RAB3C: variants seen among roughly 807,000 people sequenced by gnomAD.
RAB3C encodes RAB3C, member RAS oncogene family, also known as ras-related protein Rab-3C.
In RAB3C, 17 loss-of-function variants were observed where a neutral mutation model predicts 26.4. That is an observed-to-expected ratio of 0.64 (90% CI 0.44 to 0.97). The LOEUF is 0.97. RAB3C is among the 50% of genes least tolerant of loss of function. RAB3C has a pLI of 0.00. For synonymous variants in RAB3C, 91 were observed against 95.9 expected (o/e 0.95, Z 0.30); for missense variants, 242 against 281.9 (o/e 0.86, Z 1.01).
chr5:58,670,623 T>G (rs985031554), intron 2 of RAB3C, among the ~76,000 whole-genome samples: 6 of 152,166 alleles, frequency 3.9e-5, no homozygotes, highest in Admixed American at 1.3e-4. Flanking sequence ...CAAAGACAAA[T>G]TATACATTTA....
chr5:58,702,544 T>C (rs1748867253), intron 2 of RAB3C, among the ~76,000 whole-genome samples: 1 of 151,868 alleles, frequency 6.6e-6, no homozygotes, highest in South Asian at 2.1e-4. Flanking sequence ...TTATAGCACT[T>C]GCCAGGTAGT....
chr5:58,713,107 G>C (rs1289644323), intron 2 of RAB3C, among the ~76,000 whole-genome samples: 1 of 152,154 alleles, frequency 6.6e-6, no homozygotes, highest in Non-Finnish European at 1.5e-5. Flanking sequence ...TCTATGGCCA[G>C]TAGGAAGACA....
intron 2 of RAB3C, among the ~76,000 whole-genome samples, chr5:58,668,097 A>T (rs1748037825): frequency 6.6e-6 from 1 of 152,186 alleles, no homozygotes; most frequent in Non-Finnish European, 1.5e-5. Context: ...GATATATAAC[A>T]TAGCTTACCC....
intron 3 of RAB3C, among the ~76,000 whole-genome samples, chr5:58,765,841 G>C (rs1290304429): frequency 1.3e-5 from 2 of 152,142 alleles, no homozygotes; most frequent in African/African-American, 2.4e-5. Context: ...GGGGCCTGGT[G>C]GGAGGTGATT....
Position 58,656,312 on chromosome 5 carries a change from T to C in RAB3C, c.252+38442T>C, listed in dbSNP as rs1747771436. Among the ~76,000 whole-genome samples, 3 of 152,192 alleles carry C rather than the reference T, an allele frequency of 2.0e-5. No homozygotes were observed. In the South Asian group the frequency reaches 6.2e-4, roughly 31 times the overall value. On this transcript the variant is annotated intron_variant, in intron 2 of 4. Transcript: ENST00000282878. The stretch of plus-strand genomic sequence containing the variant: ...CCTCTATTTTTCAGCATGGTGACTA[T>C]AACTAATCATAATGTACTTTGTATT...
At position 58,617,435 on chromosome 5, in the gene RAB3C, G is replaced by T; in HGVS notation, c.25-208G>T. 3 of 752,354 alleles carry T rather than the reference G, an allele frequency of 4.0e-6. No individual in the cohort carries two copies. The South Asian group carries it at 4.2e-5, about 10-fold the overall frequency. 46.6% of individuals were successfully genotyped at this position (752,354 alleles called of 1,614,324 possible). A position where few individuals can be genotyped will look rare whatever the true frequency, so the allele number is the denominator to read the frequency against. ...TGCACCAACACAGCTGGAAAGGCCT[G>T]TAAGATTTGCTATTCTGTCTTCCAG... On this transcript the variant is annotated intron_variant, in intron 1 of 4. Transcript: ENST00000282878.
intron 1 of RAB3C, among the ~76,000 whole-genome samples, chr5:58,596,503 A>T (rs1217130328): frequency 1.5e-5 from 2 of 137,032 alleles, no homozygotes; most frequent in East Asian, 4.0e-4. Context: ...ATATATAAAT[A>T]TATAATACTA....
intron 3 of RAB3C, among the ~76,000 whole-genome samples, chr5:58,727,391 A>G (rs768829353): frequency 2.6e-5 from 4 of 152,050 alleles, no homozygotes; most frequent in Non-Finnish European, 4.4e-5. Flanking sequence ...ATATGAAAAC[A>G]TAAGTATCTT....
intron 2 of RAB3C, among the ~76,000 whole-genome samples, chr5:58,689,555 G>A (rs1379853331): frequency 6.6e-6 from 1 of 152,112 alleles, no homozygotes; most frequent in Non-Finnish European, 1.5e-5. Context: ...ATTTCTGGTT[G>A]TGACCGTTCC....
intron 4 of RAB3C, among the ~76,000 whole-genome samples, chr5:58,837,555 C>CTT (rs1244170261): frequency 1.3e-3 from 143 of 113,494 alleles, no homozygotes; most frequent in Non-Finnish European, 2.2e-3. Context: ...GTTTCAGTCT[C>CTT]TCTTTTTTTT....
intron 3 of RAB3C, among the ~76,000 whole-genome samples, chr5:58,778,269 C>A (rs907612043): frequency 6.6e-6 from 1 of 152,094 alleles, no homozygotes; most frequent in Non-Finnish European, 1.5e-5. Flanking sequence ...TAGAATCTTA[C>A]AATAAATCCT....
intron 1 of RAB3C, among the ~76,000 whole-genome samples, chr5:58,612,542 A>G (rs1235279905): frequency 0.019 from 1,051 of 56,202 alleles, 8 homozygotes; most frequent in Non-Finnish European, 0.029. Flanking sequence ...ATATATATAT[A>G]TATATGTATA....
intron 2 of RAB3C, among the ~76,000 whole-genome samples, chr5:58,669,427 A>T (rs1748068294): frequency 6.6e-6 from 1 of 152,142 alleles, no homozygotes; most frequent in Non-Finnish European, 1.5e-5. Context: ...GAAAAGAGTG[A>T]GCCCAGAGGG....
intron 2 of RAB3C, among the ~76,000 whole-genome samples, chr5:58,690,058 C>T (rs1012050978): frequency 6.6e-6 from 1 of 152,018 alleles, no homozygotes; most frequent in Admixed American, 6.6e-5. Flanking sequence ...ACTGCCTCCT[C>T]CTATAAGAAT....
intron 1 of RAB3C, among the ~76,000 whole-genome samples, chr5:58,584,990 G>A (rs1745981345): frequency 6.6e-6 from 1 of 151,990 alleles, no homozygotes; most frequent in Admixed American, 6.6e-5. Flanking sequence ...AAACTTTAAT[G>A]AAGAACTAAA....
At chr5:58,609,158 G>A (rs1291613706) in intron 1 of RAB3C, among the ~76,000 whole-genome samples, 1 of 152,090 alleles carries the variant, frequency 6.6e-6, no homozygotes, top group Non-Finnish European at 1.5e-5. Flanking sequence ...CCCGCATGTT[G>A]TGCACATGTA....
intron 2 of RAB3C, among the ~76,000 whole-genome samples, chr5:58,723,115 T>C (rs1233807070): frequency 6.6e-6 from 1 of 151,824 alleles, no homozygotes; most frequent in Non-Finnish European, 1.5e-5. Flanking sequence ...GCAAATATAC[T>C]TCCCAGTTTA....
intron 2 of RAB3C, among the ~76,000 whole-genome samples, chr5:58,626,122 T>C (rs1747045755): frequency 6.6e-6 from 1 of 152,194 alleles, no homozygotes; most frequent in African/African-American, 2.4e-5. Flanking sequence ...TATGTTTTCT[T>C]TTCTTTCTTC....
At chr5:58,648,334 C>T (rs982144397) in intron 2 of RAB3C, among the ~76,000 whole-genome samples, 5 of 152,142 alleles carry the variant, frequency 3.3e-5, no homozygotes, top group African/African-American at 7.2e-5. Context: ...CGATGAGTCC[C>T]GTAGATTCTG....
Sources: allele counts gnomAD v4.1 joint callset (sites outside exome capture counted in the v4.1 genomes callset), GRCh38; gene constraint gnomAD v4.1.1; transcripts MANE v1.5; gene names NCBI Gene and HGNC (gene_info 2026-07-23, HGNC 2026-07-21).